The following KTN1 variants were observed in gnomAD, a reference collection of about 807,000 sequenced individuals.
The protein encoded by KTN1 is kinectin 1, also known as kinectin.
In KTN1, 130 loss-of-function variants were observed where a neutral mutation model predicts 222.5. The ratio of observed to expected loss-of-function variants is 0.58; its 90% CI spans 0.51 to 0.68. The LOEUF is 0.68. KTN1 is among the 30% of genes least tolerant of loss of function. The pLI is 0.00. For missense variants in KTN1, 1,508 were observed against 1,500.4 expected, an observed-to-expected ratio of 1.01 and a Z score of -0.08; for synonymous variants, 512 against 496.3, an observed-to-expected ratio of 1.03 and a Z score of -0.42.
chr14:55,680,634 G>T (rs768252488), intron 43 of KTN1: 2 of 1,110,834 alleles, frequency 1.8e-6, no homozygotes, highest in South Asian at 2.4e-5. Context: ...TCCTGGAAAA[G>T]TTGGGATGGA....
intron 2 of KTN1, among the ~76,000 whole-genome samples, chr14:55,614,421 A>G (rs1383715975): frequency 1.3e-5 from 2 of 152,186 alleles, no homozygotes; most frequent in Non-Finnish European, 2.9e-5. Flanking sequence ...GAATAACCTC[A>G]CTATATAGAG....
Position 55,580,293 on chromosome 14 carries a change from C to G in KTN1, c.-92C>G, listed in dbSNP as rs1039706781. On this transcript the variant is annotated 5_prime_UTR_variant, in exon 1 of 44. Coordinates refer to ENST00000395314, the MANE Select transcript of KTN1 (RefSeq NM_001079521.2). Reference sequence around the variant, plus strand: ...GGCGGCGGCGGCGCCTCGGAGCGGGCGGCCCGGGCTGTAGTGCCGGCGCCG... The same window carrying G: ...GGCGGCGGCGGCGCCTCGGAGCGGGGGGCCCGGGCTGTAGTGCCGGCGCCG... 1.9e-5 allele frequency: 3 copies of G among 155,096 alleles called. No homozygotes were observed. Among genetic ancestry groups the G allele is most frequent in the African/African-American group, 7.3e-5 (3 of 40,950 alleles). 9.6% of individuals were successfully genotyped at this position (155,096 alleles called of 1,614,324 possible).
chr14:55,628,502 A>G (rs560083203), intron 6 of KTN1, among the ~76,000 whole-genome samples: 23 of 152,338 alleles, frequency 1.5e-4, no homozygotes, highest in South Asian at 8.3e-4. Context: ...AAATACCAGA[A>G]AAGCCAATCT....
chr14:55,670,647 G>A lies in KTN1; in HGVS notation c.3268-82G>A, dbSNP rs1262394358. 4 of 876,164 alleles carry A rather than the reference G, an allele frequency of 4.6e-6. No homozygotes were observed. In the Admixed American group the frequency reaches 1.0e-4, roughly 22 times the overall value. The allele number at this position is 876,164 out of a possible 1,614,324, so 54.3% of individuals were successfully genotyped here. On this transcript the variant is annotated intron_variant, in intron 34 of 43. Coordinates refer to ENST00000395314, the MANE Select transcript of KTN1 (RefSeq NM_001079521.2). The stretch of plus-strand genomic sequence containing the variant: ...GGTTTCTTTTATAATTATCTAATTT[G>A]GTTATTTTAAATGTTTCACCTGTTT...
chr14:55,619,419 C>T, intron 5 of KTN1, 107 bp downstream of exon 5: 1 of 982,728 alleles, frequency 1.0e-6, no homozygotes, highest in South Asian at 1.6e-5. Context: ...CTTAACATCT[C>T]AGAACATACA....
intron 1 of KTN1, among the ~76,000 whole-genome samples, chr14:55,589,914 C>T (rs993586870): frequency 6.6e-6 from 1 of 151,972 alleles, no homozygotes; most frequent in Admixed American, 6.5e-5. Flanking sequence ...ACCTCAGCCT[C>T]CTAAAGTGCT....
rs772437812 is a variant in KTN1, at chr14:55,648,889, A to G, written c.2367+19A>G. 7.5e-6 allele frequency: 11 copies of G among 1,457,494 alleles called. No individual in the cohort carries two copies. Among genetic ancestry groups the G allele is most frequent in the Admixed American group, 1.8e-5 (1 of 56,520 alleles). The allele number at this position is 1,457,494 out of a possible 1,614,324, so 90.3% of individuals were successfully genotyped here. A position where few individuals can be genotyped will look rare whatever the true frequency, so the allele number is the denominator to read the frequency against. On this transcript the variant is annotated intron_variant, in intron 21 of 43. Transcript: ENST00000395314. Reference sequence around the variant, plus strand: ...TGATCAGGTAATGTAAATTTTTACAACTGTTCTTTGTCTCTGTGTTTTTTG... The same window carrying G: ...TGATCAGGTAATGTAAATTTTTACAGCTGTTCTTTGTCTCTGTGTTTTTTG...
chr14:55,641,851 A>G, intron 18 of KTN1, 91 bp downstream of exon 18: 2 of 850,080 alleles, frequency 2.4e-6, no homozygotes, highest in Non-Finnish European at 3.9e-6. Context: ...CTAATTGAGA[A>G]ATTTTGCTTA....
chr14:55,618,374 A>G (rs1289314443), intron 4 of KTN1, among the ~76,000 whole-genome samples: 3 of 151,924 alleles, frequency 2.0e-5, no homozygotes, highest in African/African-American at 7.3e-5. Flanking sequence ...TTTCCCAGCT[A>G]CTACTGTCTC....
At chr14:55,591,043 A>C (rs190486385) in intron 1 of KTN1, among the ~76,000 whole-genome samples, 171 of 151,406 alleles carry the variant, frequency 1.1e-3, no homozygotes, top group African/African-American at 4.0e-3. Flanking sequence ...AATATTTTAC[A>C]ACCTGTTTCC....
chr14:55,590,645 TC>T (rs1332749977), intron 1 of KTN1, among the ~76,000 whole-genome samples: 1 of 152,098 alleles, frequency 6.6e-6, no homozygotes. Flanking sequence ...ATTTGTAACT[TC>T]CTGTTTCCCC....
intron 43 of KTN1, 120 bp downstream of exon 43, chr14:55,679,805 C>A: frequency 9.5e-7 from 1 of 1,057,596 alleles, no homozygotes; most frequent in Non-Finnish European, 1.4e-6. Flanking sequence ...TCTCTCAGAA[C>A]TTCCAGATGA....
At chr14:55,673,841 C>T (rs1364544646) in intron 40 of KTN1, 4 of 152,238 alleles carry the variant, frequency 2.6e-5, no homozygotes, top group Admixed American at 2.6e-4. Flanking sequence ...TGTCTTAAAA[C>T]ATATAATACC....
intron 32 of KTN1, 144 bp downstream of exon 32, chr14:55,661,756 C>T (rs1249431883): frequency 3.7e-5 from 16 of 429,714 alleles, no homozygotes; most frequent in East Asian, 7.1e-5. Flanking sequence ...GTAGTTTTTT[C>T]GGGGGGCGGG....
chr14:55,617,965 C>T lies in KTN1; in HGVS notation c.663C>T (p.Val221=), dbSNP rs2038623631. 3.8e-6 allele frequency: 6 copies of T among 1,570,564 alleles called. No homozygotes were observed. The South Asian group carries it at 7.3e-5, about 19-fold the overall frequency. Residue 221 remains valine, a splice_region_variant and synonymous_variant, in exon 4 of 44, where the codon GTC becomes GTT. Coordinates refer to ENST00000395314, the MANE Select transcript of KTN1 (RefSeq NM_001079521.2). ...GATTTTGTTGAACTTAAATTGCAGT[C>T]TTCGTAGATGAACCCCTTATTCATG... is the stretch of plus-strand genomic sequence containing the variant. ...ASSKKQKTEN[V]FVDEPLIHAT...
intron 43 of KTN1, chr14:55,681,225 C>A (rs1258122674): frequency 6.5e-6 from 1 of 154,050 alleles, no homozygotes; most frequent in Non-Finnish European, 1.4e-5. Flanking sequence ...CAATATAGGC[C>A]CTTCTTTTGC....
intron 1 of KTN1, among the ~76,000 whole-genome samples, chr14:55,596,154 C>CAAAAAAAAA (rs71448460): frequency 8.2e-5 from 5 of 61,122 alleles, no homozygotes; most frequent in Admixed American, 2.0e-4. Flanking sequence ...GACTCAATAG[C>CAAAAAAAAA]AAAAAAAAAA....
intron 1 of KTN1, chr14:55,601,771 C>T (rs1046283115): frequency 3.9e-5 from 6 of 151,954 alleles, no homozygotes; most frequent in African/African-American, 7.3e-5. Context: ...ATTTTCGTTC[C>T]GTCACCCAGG....
intron 2 of KTN1, among the ~76,000 whole-genome samples, chr14:55,612,948 A>C (rs10136386): frequency 2.0e-5 from 3 of 151,720 alleles, no homozygotes; most frequent in African/African-American, 7.3e-5. Context: ...AACTTTGGCT[A>C]TTTTACTTAA....
Sources: gnomAD v4.1 joint callset for allele counts (sites outside exome capture counted in the v4.1 genomes callset) on GRCh38, gnomAD v4.1.1 for gene constraint, MANE v1.5 for transcripts, NCBI Gene and HGNC (gene_info 2026-07-23, HGNC 2026-07-21) for gene names.